Variants in NUP155 observed in about 807,000 individuals in gnomAD.
The protein encoded by NUP155 is nuclear pore complex protein Nup155.
A neutral mutation model predicts 180.4 loss-of-function variants in NUP155; 71 were observed. The observed-to-expected ratio is 0.39, with a 90% CI of 0.33 to 0.48. The LOEUF is 0.48. Among genes scored for constraint, NUP155 ranks in the 20% least tolerant of loss-of-function variants. The pLI is 0.91. For synonymous variants in NUP155, 582 were observed against 559.5 expected (o/e 1.04, Z -0.57); for missense variants, 1,553 against 1,648.9 (o/e 0.94, Z 1.01).
chr5:37,340,803 T>A (rs1377776344), intron 11 of NUP155, among the ~76,000 whole-genome samples: 1 of 152,224 alleles, frequency 6.6e-6, no homozygotes, highest in Non-Finnish European at 1.5e-5. Context: ...TGAATTTCAC[T>A]ACAATTTCAA....
chr5:37,292,596 C>A (rs1330218669), intron 34 of NUP155, among the ~76,000 whole-genome samples: 1 of 151,910 alleles, frequency 6.6e-6, no homozygotes, highest in African/African-American at 2.4e-5. Flanking sequence ...CCTTAAATGG[C>A]CAATAATATC....
Position 37,298,882 on chromosome 5 carries a change from C to T in NUP155, c.3779G>A (p.Arg1260His), listed in dbSNP as rs142078226. 132 of 1,595,900 alleles carry T rather than the reference C, an allele frequency of 8.3e-5. 1 individual carries two copies. Among genetic ancestry groups the T allele is most frequent in the Admixed American group, 2.0e-4 (12 of 59,978 alleles). ...TCACAGCTTACCTAAAGGAAAGAAG[C>T]GTGGTGTGCCAGCATAAATTTTGCC... is the stretch of plus-strand genomic sequence containing the variant. ...LLGKIYAGTP[R>H]FFPLDFIVQF... Residue 1260 changes from arginine (R) to histidine (H), a missense_variant, in exon 32 of 35, where the codon CGC becomes CAC. By Grantham distance (29) the Arg-to-His change is conservative. Coordinates refer to ENST00000231498, the MANE Select transcript of NUP155 (RefSeq NM_153485.3).
chr5:37,337,992 G>T (rs936856211), intron 11 of NUP155, 74 bp from the exon 12 acceptor site: 3 of 983,352 alleles, frequency 3.1e-6, no homozygotes, highest in Middle Eastern at 3.2e-4. Flanking sequence ...TAATTATTAG[G>T]TTAGTGCAAA....
chr5:37,296,032 C>T (rs1161797321), intron 32 of NUP155, among the ~76,000 whole-genome samples: 20 of 145,264 alleles, frequency 1.4e-4, no homozygotes, highest in Non-Finnish European at 2.4e-4. Context: ...CCCGGCCAGC[C>T]GCCCTGTCCG....
chr5:37,350,726 C>T (rs1039220824), intron 6 of NUP155, among the ~76,000 whole-genome samples: 1 of 151,530 alleles, frequency 6.6e-6, no homozygotes, highest in Non-Finnish European at 1.5e-5. Flanking sequence ...CTGCTTAAAC[C>T]CAGGGGATGG....
At chr5:37,365,973 A>G (rs1747561344) in intron 1 of NUP155, among the ~76,000 whole-genome samples, 1 of 151,282 alleles carries the variant, frequency 6.6e-6, no homozygotes, top group South Asian at 2.1e-4. Context: ...TTTACCAGCT[A>G]AACATTTATA....
intron 22 of NUP155, 83 bp from the exon 23 acceptor site, chr5:37,310,826 A>T: frequency 8.8e-7 from 1 of 1,132,876 alleles, no homozygotes; most frequent in East Asian, 2.6e-5. Flanking sequence ...AAATTAAAAT[A>T]ACCTAAATAT....
chr5:37,324,189 G>T, intron 19 of NUP155, 82 bp from the exon 20 acceptor site: 1 of 822,688 alleles, frequency 1.2e-6, no homozygotes, highest in Non-Finnish European at 2.1e-6. Context: ...ATTTTGAAAT[G>T]AGTATCTCTA....
intron 3 of NUP155, among the ~76,000 whole-genome samples, chr5:37,360,400 A>G (rs1223192414): frequency 2.0e-5 from 3 of 152,160 alleles, no homozygotes; most frequent in Non-Finnish European, 2.9e-5. Flanking sequence ...CAGGGGAATT[A>G]CTTGAACCAG....
chr5:37,345,550 A>G (rs1746024020), intron 9 of NUP155, among the ~76,000 whole-genome samples: 2 of 150,448 alleles, frequency 1.3e-5, no homozygotes, highest in African/African-American at 4.9e-5. Context: ...TCTACAATGT[A>G]CTTTCAAATG....
At position 37,292,993 on chromosome 5, in the gene NUP155, G is replaced by A. The variant is rs750491021; in HGVS notation, c.3931-8C>T. The A allele has an allele frequency of 2.6e-6, 4 of 1,536,672 alleles. No individual in the cohort carries two copies. Among genetic ancestry groups the A allele is most frequent in the South Asian group, 1.1e-5 (1 of 89,420 alleles). ...TCTGTTCCAGAATGGATCCTATGAA[G>A]AAATATACATAATGAAATGTGAGGC... On this transcript the variant is annotated splice_polypyrimidine_tract_variant and splice_region_variant and intron_variant, in intron 33 of 34. Transcript: ENST00000231498.
intron 6 of NUP155, among the ~76,000 whole-genome samples, chr5:37,350,802 T>C (rs1746403518): frequency 7.6e-6 from 1 of 132,056 alleles, no homozygotes; most frequent in African/African-American, 3.0e-5. Context: ...GGTGATACAG[T>C]GAGACTCCAT....
At chr5:37,339,307 C>CAAA (rs1283751834) in intron 11 of NUP155, among the ~76,000 whole-genome samples, 4,201 of 63,204 alleles carry the variant, frequency 0.066, 277 homozygotes, top group African/African-American at 0.19. Flanking sequence ...GACACTGTCT[C>CAAA]AAAAAAAAAA....
In NUP155 at chr5:37,318,749, G is replaced by A. The variant is rs1048716750; in HGVS notation, c.2208-664C>T. Among the ~76,000 whole-genome samples the A allele has an allele frequency of 5.3e-5, 8 of 152,044 alleles. No homozygotes were observed. The South Asian group carries it at 6.2e-4, about 12-fold the overall frequency. ...GAAGAAAACTGATCAAAGCCAAGACGTTCATTCTTAAGGCTCACTGAGAGC... is the reference window on the plus strand; with the variant it reads ...GAAGAAAACTGATCAAAGCCAAGACATTCATTCTTAAGGCTCACTGAGAGC... On this transcript the variant is annotated intron_variant, in intron 20 of 34. Coordinates refer to ENST00000231498, the MANE Select transcript of NUP155 (RefSeq NM_153485.3).
chr5:37,363,303 C>T (rs1747341136), intron 3 of NUP155, among the ~76,000 whole-genome samples: 1 of 152,100 alleles, frequency 6.6e-6, no homozygotes, highest in Admixed American at 6.6e-5. Flanking sequence ...ATGGGCTTTC[C>T]TATGTTTATC....
At chr5:37,343,736 C>CA (rs1745895360) in intron 9 of NUP155, among the ~76,000 whole-genome samples, 1 of 151,394 alleles carries the variant, frequency 6.6e-6, no homozygotes, top group Admixed American at 6.6e-5. Flanking sequence ...ACTAAAAATA[C>CA]AAAAAAATTA....
intron 24 of NUP155, 109 bp downstream of exon 24, chr5:37,309,017 AAAG>A (rs1743356620): frequency 1.8e-5 from 20 of 1,127,412 alleles, no homozygotes; most frequent in South Asian, 3.9e-5. Context: ...TCTGATGCTG[AAAG>A]AAGATTTGCA....
chr5:37,358,464 AG>A (rs1746988990), intron 3 of NUP155, among the ~76,000 whole-genome samples: 1 of 152,154 alleles, frequency 6.6e-6, no homozygotes, highest in Non-Finnish European at 1.5e-5. Flanking sequence ...GTCTCAAAAA[AG>A]AAAAGAAAAG....
At chr5:37,336,351 C>T (rs1745326131) in intron 12 of NUP155, among the ~76,000 whole-genome samples, 1 of 152,014 alleles carries the variant, frequency 6.6e-6, no homozygotes, top group Middle Eastern at 3.4e-3. Context: ...CGTGGTAATG[C>T]ACACCTGTAG....
Sources: gnomAD v4.1 joint callset for allele counts (sites outside exome capture counted in the v4.1 genomes callset) on GRCh38, gnomAD v4.1.1 for gene constraint, MANE v1.5 for transcripts, NCBI Gene and HGNC (gene_info 2026-07-23, HGNC 2026-07-21) for gene names.